The following SUGCT variants were observed in gnomAD, a reference collection of about 807,000 sequenced individuals.
The protein encoded by SUGCT is succinyl-CoA:glutarate-CoA transferase.
A neutral mutation model predicts 55.0 loss-of-function variants in SUGCT; 41 were observed. That is an observed-to-expected ratio of 0.74 (90% CI 0.58 to 0.97). The LOEUF is 0.97. Among genes scored for constraint, SUGCT ranks in the 50% least tolerant of loss-of-function variants. The pLI is 0.00. For synonymous variants in SUGCT, 187 were observed against 200.4 expected (o/e 0.93, Z 0.56); for missense variants, 568 against 547.8 (o/e 1.04, Z -0.37).
chr7:40,723,465 A>G (rs1786456099), intron 12 of SUGCT, among the ~76,000 whole-genome samples: 1 of 152,118 alleles, frequency 6.6e-6, no homozygotes, highest in African/African-American at 2.4e-5. Flanking sequence ...ATTTCCAGAA[A>G]TATACAAAAT....
intron 12 of SUGCT, among the ~76,000 whole-genome samples, chr7:40,748,355 G>A (rs1363527882): frequency 6.6e-6 from 1 of 152,056 alleles, no homozygotes; most frequent in African/African-American, 2.4e-5. Flanking sequence ...GGATCTAGAA[G>A]CAGGATAAAG....
intron 7 of SUGCT, among the ~76,000 whole-genome samples, chr7:40,251,305 T>A (rs1790384011): frequency 6.6e-6 from 1 of 152,246 alleles, no homozygotes; most frequent in East Asian, 1.9e-4. Flanking sequence ...TATATGTAAA[T>A]ACTTTTACTT....
chr7:40,492,245 A>C (rs1791724953), intron 11 of SUGCT, among the ~76,000 whole-genome samples: 1 of 152,170 alleles, frequency 6.6e-6, no homozygotes, highest in South Asian at 2.1e-4. Context: ...ATATAAGAGT[A>C]ATTAAAAGGG....
chr7:40,226,648 T>C (rs1356475301), intron 6 of SUGCT, among the ~76,000 whole-genome samples: 4 of 152,100 alleles, frequency 2.6e-5, no homozygotes, highest in Non-Finnish European at 5.9e-5. Context: ...GCATTAGTTC[T>C]AGTTTTGTTA....
the SUGCT span, among the ~76,000 whole-genome samples, chr7:40,898,391 G>A: frequency 4.8e-5 from 7 of 146,968 alleles, no homozygotes; most frequent in East Asian, 8.1e-4. Flanking sequence ...CCACCAGAAG[G>A]AAGAAACTCC....
At chr7:40,898,560 A>G in the SUGCT span, among the ~76,000 whole-genome samples, 3 of 149,042 alleles carry the variant, frequency 2.0e-5, no homozygotes, top group South Asian at 2.1e-4. Context: ...CAGATCTACT[A>G]AAAATACAAA....
At chr7:40,515,270 T>C (rs778768030) in intron 12 of SUGCT, among the ~76,000 whole-genome samples, 2 of 152,210 alleles carry the variant, frequency 1.3e-5, no homozygotes, top group Non-Finnish European at 2.9e-5. Context: ...AATTCAAGGA[T>C]GTTATATGAA....
intron 12 of SUGCT, among the ~76,000 whole-genome samples, chr7:40,521,259 A>T (rs887228938): frequency 6.6e-6 from 1 of 152,114 alleles, no homozygotes; most frequent in Admixed American, 6.6e-5. Context: ...AGTTCTCACA[A>T]GATGTGTTTT....
At position 40,371,945 on chromosome 7, in the gene SUGCT, A is replaced by AACACAC. The variant is rs137960410; in HGVS notation, c.816+55112_816+55117dup. Among the ~76,000 whole-genome samples, 554 of 147,784 alleles carry AACACAC rather than the reference A, an allele frequency of 3.7e-3. 3 individuals carry two copies. The highest frequency in any genetic ancestry group is 0.013 in the African/African-American group (522 of 40,442). ...TTTGGATGTATGTATATACATCTCG[A>AACACAC]ACACACACACACACACACACACACA... On this transcript the variant is annotated intron_variant, in intron 9 of 13. Transcript: ENST00000335693.
rs183377153 is a variant in SUGCT, at chr7:40,601,581, G to A, written c.1089+105195G>A. 3.3e-5 allele frequency among the ~76,000 whole-genome samples: 5 copies of A among 152,230 alleles called. No homozygotes were observed. The East Asian group carries it at 5.8e-4, about 18-fold the overall frequency. On this transcript the variant is annotated intron_variant, in intron 12 of 13. Coordinates refer to ENST00000335693, the MANE Select transcript of SUGCT (RefSeq NM_001193313.2). The stretch of plus-strand genomic sequence containing the variant: ...ATGTGGAGTATCACAGGAACCTTAC[G>A]CTTTGTCTTCTAGTATTTGACAACA...
intron 9 of SUGCT, among the ~76,000 whole-genome samples, chr7:40,445,533 A>T (rs1232298904): frequency 6.6e-6 from 1 of 152,142 alleles, no homozygotes; most frequent in Non-Finnish European, 1.5e-5. Context: ...AAAGTCTAGG[A>T]TCAGGCGGAT....
intron 12 of SUGCT, among the ~76,000 whole-genome samples, chr7:40,532,010 C>T (rs1794124877): frequency 6.6e-6 from 1 of 152,184 alleles, no homozygotes; most frequent in South Asian, 2.1e-4. Context: ...TATGTTTCTG[C>T]CACATGTATA....
chr7:40,428,762 G>T (rs1240738423), intron 9 of SUGCT, among the ~76,000 whole-genome samples: 1 of 151,952 alleles, frequency 6.6e-6, no homozygotes, highest in Admixed American at 6.6e-5. Context: ...GCATTAAAAG[G>T]TTTACATACC....
intron 9 of SUGCT, among the ~76,000 whole-genome samples, chr7:40,410,968 A>C (rs4534056): frequency 0.68 from 104,057 of 151,934 alleles, 35,975 homozygotes; most frequent in East Asian, 0.99. Flanking sequence ...TTTGGTCAGC[A>C]CAAAAAGGGT....
chr7:40,334,660 T>C (rs1188321214), intron 9 of SUGCT, among the ~76,000 whole-genome samples: 1 of 152,250 alleles, frequency 6.6e-6, no homozygotes, highest in Non-Finnish European at 1.5e-5. Context: ...TAGCTCTTTG[T>C]CAGATGAGTA....
chr7:40,656,577 G>A (rs1034978530), intron 12 of SUGCT, among the ~76,000 whole-genome samples: 2 of 152,074 alleles, frequency 1.3e-5, no homozygotes, highest in Non-Finnish European at 2.9e-5. Flanking sequence ...TACAATAATT[G>A]GTTAGTGTTT....
chr7:40,777,740 G>A (rs1445997642), intron 13 of SUGCT, among the ~76,000 whole-genome samples: 2 of 151,854 alleles, frequency 1.3e-5, no homozygotes, highest in African/African-American at 4.8e-5. Context: ...TTCTTCTCAA[G>A]GCATTCTTGG....
At chr7:40,968,660 A>G in the SUGCT span, among the ~76,000 whole-genome samples, 4 of 152,338 alleles carry the variant, frequency 2.6e-5, no homozygotes, top group South Asian at 8.3e-4. Context: ...GCTGATCTCA[A>G]GACCAAAAGG....
At chr7:40,526,484 A>G (rs1258504403) in intron 12 of SUGCT, among the ~76,000 whole-genome samples, 1 of 152,212 alleles carries the variant, frequency 6.6e-6, no homozygotes, top group Non-Finnish European at 1.5e-5. Context: ...ATTAAAACAC[A>G]GATTACTGGA....
Sources: gnomAD v4.1 joint callset for allele counts (sites outside exome capture counted in the v4.1 genomes callset) on GRCh38, gnomAD v4.1.1 for gene constraint, MANE v1.5 for transcripts, NCBI Gene and HGNC (gene_info 2026-07-23, HGNC 2026-07-21) for gene names.